MAGI1: variants seen among roughly 807,000 people sequenced by gnomAD.
MAGI1 encodes the protein membrane-associated guanylate kinase, WW and PDZ domain-containing protein 1.
Under a neutral mutation model 139.9 loss-of-function variants are expected in MAGI1, and 58 were observed. That is an observed-to-expected ratio of 0.41 (90% confidence interval 0.34 to 0.52). The LOEUF is 0.52. Ranked by LOEUF, MAGI1 falls within the 20% of genes least tolerant of loss-of-function variation. The pLI is 0.12. For missense variants in MAGI1, 1,874 were observed against 1,901.6 expected, an observed-to-expected ratio of 0.99 and a Z score of 0.27; for synonymous variants, 812 against 737.9, an observed-to-expected ratio of 1.10 and a Z score of -1.63.
At chr3:65,726,242 C>CT (rs144825251) in intron 1 of MAGI1, among the ~76,000 whole-genome samples, 2,881 of 152,094 alleles carry the variant, frequency 0.019, 85 homozygotes, top group African/African-American at 0.065. Flanking sequence ...TAATTCAATG[C>CT]TTTTTTATAT....
At chr3:66,027,634 C>T (rs148192945) in intron 1 of MAGI1, among the ~76,000 whole-genome samples, 14 of 152,358 alleles carry the variant, frequency 9.2e-5, no homozygotes, top group Admixed American at 3.3e-4. Flanking sequence ...TCTACCTAGA[C>T]AAACCCTTAA....
chr3:65,511,652 A>C (rs1157154586), intron 2 of MAGI1, among the ~76,000 whole-genome samples: 1 of 143,686 alleles, frequency 7.0e-6, no homozygotes, highest in African/African-American at 2.6e-5. Flanking sequence ...CAGATTCATA[A>C]AGCAAGTCCT....
chr3:65,444,471 G>A (rs577760908), intron 7 of MAGI1, among the ~76,000 whole-genome samples: 3 of 152,222 alleles, frequency 2.0e-5, no homozygotes, highest in South Asian at 2.1e-4. Flanking sequence ...TCATAGAAAC[G>A]CCATCTCTTT....
chr3:65,424,647 G>C (rs1433213744), intron 12 of MAGI1, among the ~76,000 whole-genome samples: 1 of 152,130 alleles, frequency 6.6e-6, no homozygotes, highest in Non-Finnish European at 1.5e-5. Context: ...GTAGAAAAAT[G>C]TAGAATGTGG....
At chr3:65,546,274 C>T (rs2079504977) in intron 2 of MAGI1, among the ~76,000 whole-genome samples, 1 of 152,090 alleles carries the variant, frequency 6.6e-6, no homozygotes, top group African/African-American at 2.4e-5. Flanking sequence ...AAACTCTTGC[C>T]CCCATGGAGG....
At chr3:66,026,991 T>A (rs932500042) in intron 1 of MAGI1, among the ~76,000 whole-genome samples, 6 of 151,498 alleles carry the variant, frequency 4.0e-5, no homozygotes, top group Non-Finnish European at 7.4e-5. Context: ...GAGGACCGGC[T>A]GGGCGCGGTG....
At chr3:65,407,524 A>C (rs1945449828) in intron 12 of MAGI1, among the ~76,000 whole-genome samples, 1 of 152,124 alleles carries the variant, frequency 6.6e-6, no homozygotes, top group Non-Finnish European at 1.5e-5. Context: ...TATCAATACG[A>C]TGAAAAATTA....
At position 65,355,043 on chromosome 3, in the gene MAGI1, C is replaced by T. The variant is rs1365904396; in HGVS notation, c.*1335G>A. 2.0e-5 allele frequency: 3 copies of T among 152,602 alleles called. No homozygotes were observed. Among genetic ancestry groups the T allele is most frequent in the Admixed American group, 1.3e-4 (2 of 15,282 alleles). The allele number at this position is 152,602 out of a possible 1,614,324, so 9.5% of individuals were successfully genotyped here. A position where few individuals can be genotyped will look rare whatever the true frequency, so the allele number is the denominator to read the frequency against. On this transcript the variant is annotated 3_prime_UTR_variant, in exon 23 of 23. Coordinates refer to ENST00000402939, the MANE Select transcript of MAGI1 (RefSeq NM_001033057.2). ...GTTTGCTGTAGTGGTCCAACAGGTA[C>T]AAGCAAACATTTTGGCTCAGCTAGG... is the stretch of plus-strand genomic sequence containing the variant.
chr3:65,781,814 C>CT (rs1364604930), intron 1 of MAGI1, among the ~76,000 whole-genome samples: 2 of 152,240 alleles, frequency 1.3e-5, no homozygotes, highest in Non-Finnish European at 2.9e-5. Flanking sequence ...ATCACCCTGA[C>CT]TCTGCAACTA....
chr3:65,397,567 CTT>C (rs1944492481), intron 13 of MAGI1, among the ~76,000 whole-genome samples: 1 of 150,352 alleles, frequency 6.7e-6, no homozygotes, highest in Admixed American at 6.6e-5. Context: ...ACTCTTGTCT[CTT>C]TAGTGAATAT....
At chr3:65,445,121 G>C (rs73131689) in intron 7 of MAGI1, among the ~76,000 whole-genome samples, 21,004 of 152,208 alleles carry the variant, frequency 0.14, 1,565 homozygotes, top group South Asian at 0.27. Flanking sequence ...AGATTAGACA[G>C]TACAACCTAT....
At chr3:65,489,723 A>AAC (rs576762726) in intron 3 of MAGI1, among the ~76,000 whole-genome samples, 51 of 152,224 alleles carry the variant, frequency 3.4e-4, no homozygotes, top group Non-Finnish European at 6.6e-4. Context: ...AAACGGCAAT[A>AAC]ACAGAGTGAA....
rs149340322 is a variant in MAGI1, at chr3:65,915,882, T to G, written c.313+122114A>C. ...AAGGACTCAACTTAGTGAATCAAGC[T>G]TTGATTTATGTTGAAAAAGCAAGAT... On this transcript the variant is annotated intron_variant, in intron 1 of 22. Coordinates refer to ENST00000402939, the MANE Select transcript of MAGI1 (RefSeq NM_001033057.2). Among the ~76,000 whole-genome samples, 374 of 151,972 alleles carry G rather than the reference T, an allele frequency of 2.5e-3. 2 individuals are homozygous for G. The highest frequency in any genetic ancestry group is 7.9e-3 in the African/African-American group (329 of 41,502).
intron 18 of MAGI1, among the ~76,000 whole-genome samples, chr3:65,369,875 A>C (rs1365227703): frequency 6.6e-6 from 1 of 152,130 alleles, no homozygotes; most frequent in Non-Finnish European, 1.5e-5. Context: ...CTCCTTGTAG[A>C]TATCATGAAA....
chr3:65,661,572 C>A (rs2086188552), intron 1 of MAGI1, among the ~76,000 whole-genome samples: 2 of 152,088 alleles, frequency 1.3e-5, no homozygotes, highest in African/African-American at 2.4e-5. Context: ...ACACCTTGAG[C>A]AAGCCACTTC....
chr3:65,834,646 T>G (rs2042710611), intron 1 of MAGI1, among the ~76,000 whole-genome samples: 1 of 152,230 alleles, frequency 6.6e-6, no homozygotes, highest in Non-Finnish European at 1.5e-5. Context: ...TTCTCTCTAG[T>G]TGTTCTATCA....
At chr3:65,801,747 T>C (rs970849833) in intron 1 of MAGI1, among the ~76,000 whole-genome samples, 11 of 152,122 alleles carry the variant, frequency 7.2e-5, no homozygotes, top group African/African-American at 2.7e-4. Flanking sequence ...GGTAAGAAAA[T>C]GCATAGAAAC....
At chr3:65,704,505 C>A (rs1336171065) in intron 1 of MAGI1, among the ~76,000 whole-genome samples, 1 of 152,172 alleles carries the variant, frequency 6.6e-6, no homozygotes, top group Non-Finnish European at 1.5e-5. Context: ...TGCCCTCGAT[C>A]TTCTCTGTTC....
chr3:65,491,343 G>A (rs546622553), intron 3 of MAGI1, among the ~76,000 whole-genome samples: 1 of 152,200 alleles, frequency 6.6e-6, no homozygotes, highest in South Asian at 2.1e-4. Context: ...ATGAGAAAAA[G>A]AACTGACTCC....
Sources: allele counts gnomAD v4.1 joint callset (sites outside exome capture counted in the v4.1 genomes callset), GRCh38; gene constraint gnomAD v4.1.1; transcripts MANE v1.5; gene names NCBI Gene and HGNC (gene_info 2026-07-23, HGNC 2026-07-21).